The following XPNPEP1 variants were observed in gnomAD, a reference collection of about 807,000 sequenced individuals.
XPNPEP1 encodes X-prolyl aminopeptidase 1, also known as xaa-Pro aminopeptidase 1.
In XPNPEP1, 39 loss-of-function variants were observed where a neutral mutation model predicts 92.4. That is an observed-to-expected ratio of 0.42 (90% CI 0.33 to 0.55). The LOEUF is 0.55. Among genes scored for constraint, XPNPEP1 ranks in the 20% least tolerant of loss-of-function variants. The pLI is 0.08. For missense variants in XPNPEP1, 654 were observed against 856.1 expected (o/e 0.76, Z 2.95); for synonymous variants, 307 against 299.4 (o/e 1.03, Z -0.26).
At chr10:109,877,549 T>C (rs1429355253) in intron 14 of XPNPEP1, 29 of 533,040 alleles carry the variant, frequency 5.4e-5, no homozygotes, top group Non-Finnish European at 9.0e-5. Context: ...GGGACACCCA[T>C]CTGACTACCC....
At chr10:109,878,127 G>T (rs1264046955) in intron 12 of XPNPEP1, 69 bp from the exon 13 acceptor site, 1 of 1,576,012 alleles carries the variant, frequency 6.3e-7, no homozygotes, top group Non-Finnish European at 8.7e-7. Context: ...AATTAGAGGA[G>T]GTACATTAAA....
At chr10:109,877,952 C>G (rs1847875016) in intron 13 of XPNPEP1, 48 bp downstream of exon 13, 1 of 1,614,162 alleles carries the variant, frequency 6.2e-7, no homozygotes, top group African/African-American at 1.3e-5. Context: ...ATTCAACTAG[C>G]AAGAAAATCA....
intron 12 of XPNPEP1, 46 bp downstream of exon 12, chr10:109,880,142 T>C (rs771359085): frequency 1.3e-6 from 2 of 1,583,376 alleles, no homozygotes; most frequent in East Asian, 2.2e-5. Context: ...TATAGGTAGG[T>C]CTGAATAATG....
At chr10:109,908,404 AC>A (rs1360770413) in intron 2 of XPNPEP1, among the ~76,000 whole-genome samples, 1 of 152,198 alleles carries the variant, frequency 6.6e-6, no homozygotes, top group Non-Finnish European at 1.5e-5. Context: ...GGAGATCGAG[AC>A]CATCCTGGCC....
intron 11 of XPNPEP1, 146 bp downstream of exon 11, chr10:109,880,696 C>T: frequency 1.5e-6 from 1 of 659,000 alleles, no homozygotes; most frequent in Non-Finnish European, 2.6e-6. Context: ...TATTTCATTC[C>T]CTCAATAACT....
intron 19 of XPNPEP1, among the ~76,000 whole-genome samples, chr10:109,869,539 T>C (rs1847328355): frequency 6.6e-6 from 1 of 152,052 alleles, no homozygotes; most frequent in African/African-American, 2.4e-5. Context: ...ACCCTGGAAA[T>C]TCTAGGGTCT....
intron 8 of XPNPEP1, chr10:109,884,351 G>A: frequency 1.8e-6 from 1 of 556,802 alleles, no homozygotes; most frequent in Non-Finnish European, 3.2e-6. Context: ...GATGGCACCA[G>A]AGCTGTTTCT....
chr10:109,910,300 T>G (rs769155221), intron 2 of XPNPEP1, among the ~76,000 whole-genome samples: 1 of 152,164 alleles, frequency 6.6e-6, no homozygotes, highest in Non-Finnish European at 1.5e-5. Context: ...ATCCCAGCAC[T>G]TCGTGAGGCC....
At position 109,864,939 on chromosome 10, in the gene XPNPEP1, G is replaced by C. The variant is rs2133330747; in HGVS notation, c.*245C>G. 1.9e-6 allele frequency: 1 copy of C among 528,664 alleles called. No individual in the cohort carries two copies. The highest frequency in any genetic ancestry group is 4.0e-5 in the East Asian group (1 of 25,004). 32.7% of individuals were successfully genotyped at this position (528,664 alleles called of 1,614,324 possible). A position where few individuals can be genotyped will look rare whatever the true frequency, so the allele number is the denominator to read the frequency against. On this transcript the variant is annotated 3_prime_UTR_variant, in exon 21 of 21. Transcript: ENST00000502935. Reference sequence around the variant, plus strand: ...CTTTCACCAAGTGTTCAACTTTGGAGGGACCCTCCTTCTGGTGCAGCAATT... The same window carrying C: ...CTTTCACCAAGTGTTCAACTTTGGACGGACCCTCCTTCTGGTGCAGCAATT...
intron 8 of XPNPEP1, 77 bp from the exon 9 acceptor site, chr10:109,884,225 C>G: frequency 7.0e-7 from 1 of 1,426,688 alleles, no homozygotes; most frequent in Non-Finnish European, 9.8e-7. Context: ...GAGGGAAGAG[C>G]TTCAGCTTGG....
chr10:109,892,024 A>T (rs1184131054), intron 4 of XPNPEP1, among the ~76,000 whole-genome samples, 198 bp from the exon 5 acceptor site: 2 of 152,152 alleles, frequency 1.3e-5, no homozygotes, highest in Non-Finnish European at 2.9e-5. Context: ...AAGCTCTGAA[A>T]GAACAGTCCT....
At chr10:109,888,290 C>T in intron 6 of XPNPEP1, 98 bp from the exon 7 acceptor site, 1 of 1,488,530 alleles carries the variant, frequency 6.7e-7, no homozygotes, top group Non-Finnish European at 9.0e-7. Context: ...GAAAGGTGGT[C>T]CTGCCATGGC....
intron 8 of XPNPEP1, among the ~76,000 whole-genome samples, chr10:109,885,442 G>GT (rs1178386197): frequency 6.6e-6 from 1 of 151,816 alleles, no homozygotes; most frequent in Non-Finnish European, 1.5e-5. Flanking sequence ...ATGGGATTGT[G>GT]TTTTTGTTAC....
intron 3 of XPNPEP1, among the ~76,000 whole-genome samples, chr10:109,896,360 C>A (rs191106078): frequency 2.0e-4 from 30 of 147,018 alleles, no homozygotes; most frequent in African/African-American, 7.3e-4. Flanking sequence ...CTCATTGTAT[C>A]CTTGACCTGT....
chr10:109,909,995 G>A (rs187773184), intron 2 of XPNPEP1, among the ~76,000 whole-genome samples: 11 of 152,254 alleles, frequency 7.2e-5, no homozygotes, highest in East Asian at 3.9e-4. Context: ...GCATTCATTC[G>A]TGGTGTTGTA....
intron 9 of XPNPEP1, among the ~76,000 whole-genome samples, chr10:109,883,500 G>A (rs1267107668): frequency 6.6e-6 from 1 of 152,112 alleles, no homozygotes; most frequent in Non-Finnish European, 1.5e-5. Context: ...AAGAGGACAT[G>A]CTCATCTCCC....
intron 3 of XPNPEP1, among the ~76,000 whole-genome samples, chr10:109,894,966 G>T (rs1015678327): frequency 6.6e-6 from 1 of 152,124 alleles, no homozygotes; most frequent in African/African-American, 2.4e-5. Context: ...CGGGGGGAAG[G>T]GTGGCCCACA....
chr10:109,917,029 T>C (rs1013531503), intron 1 of XPNPEP1, among the ~76,000 whole-genome samples: 1 of 152,144 alleles, frequency 6.6e-6, no homozygotes, highest in Non-Finnish European at 1.5e-5. Context: ...GCTGAAAGAC[T>C]GAATGCTTTC....
chr10:109,917,941 C>A (rs1278650360), intron 1 of XPNPEP1, among the ~76,000 whole-genome samples: 1 of 151,952 alleles, frequency 6.6e-6, no homozygotes, highest in Admixed American at 6.6e-5. Context: ...GGCAAAACTC[C>A]GTTTCTACAA....
Sources: gnomAD v4.1 joint callset for allele counts (sites outside exome capture counted in the v4.1 genomes callset) on GRCh38, gnomAD v4.1.1 for gene constraint, MANE v1.5 for transcripts, NCBI Gene and HGNC (gene_info 2026-07-23, HGNC 2026-07-21) for gene names.